The following ADGRB3 variants were observed in gnomAD, a reference collection of about 807,000 sequenced individuals.
ADGRB3 encodes the protein brain-specific angiogenesis inhibitor 3.
A neutral mutation model predicts 193.4 loss-of-function variants in ADGRB3; 37 were observed. That is an observed-to-expected ratio of 0.19 (90% confidence interval 0.15 to 0.25). ADGRB3 has a LOEUF of 0.25. Among genes scored for constraint, ADGRB3 ranks in the 10% least tolerant of loss-of-function variants. ADGRB3 has a pLI of 1.00. For synonymous variants in ADGRB3, 690 were observed against 644.2 expected (o/e 1.07, Z -1.08); for missense variants, 1,637 against 1,852.9 (o/e 0.88, Z 2.14).
At chr6:69,177,045 G>A (rs979687983) in intron 17 of ADGRB3, among the ~76,000 whole-genome samples, 3 of 152,060 alleles carry the variant, frequency 2.0e-5, no homozygotes, top group Non-Finnish European at 1.5e-5. Context: ...CTAGCAATCT[G>A]TCGATCTTGT....
At chr6:68,906,243 G>C (rs1266964424) in intron 3 of ADGRB3, among the ~76,000 whole-genome samples, 2 of 151,418 alleles carry the variant, frequency 1.3e-5, no homozygotes, top group African/African-American at 4.8e-5. Flanking sequence ...GTATATATTG[G>C]TATATAGCAT....
At chr6:68,807,938 T>C (rs1323745805) in intron 3 of ADGRB3, among the ~76,000 whole-genome samples, 2 of 152,122 alleles carry the variant, frequency 1.3e-5, no homozygotes, top group Non-Finnish European at 2.9e-5. Context: ...TAACTTAATT[T>C]TTTTCCCAGG....
At chr6:68,981,924 C>G (rs536347364) in intron 10 of ADGRB3, among the ~76,000 whole-genome samples, 42 of 143,614 alleles carry the variant, frequency 2.9e-4, no homozygotes, top group African/African-American at 9.8e-4. Flanking sequence ...ATTGCCCAGG[C>G]TAGAGTGCAA....
intron 3 of ADGRB3, among the ~76,000 whole-genome samples, chr6:68,665,962 GATAA>G (rs1413757740): frequency 4.6e-5 from 7 of 151,700 alleles, no homozygotes; most frequent in Non-Finnish European, 1.0e-4. Flanking sequence ...AACATCAAAT[GATAA>G]ATAAACATAA....
chr6:68,984,769 A>G (rs1355474063), intron 10 of ADGRB3, among the ~76,000 whole-genome samples: 4 of 152,190 alleles, frequency 2.6e-5, no homozygotes, highest in African/African-American at 9.6e-5. Flanking sequence ...AAAAGTCAAA[A>G]AATTCACTTT....
At chr6:68,879,908 CA>C (rs35332307) in intron 3 of ADGRB3, among the ~76,000 whole-genome samples, 42,871 of 151,960 alleles carry the variant, frequency 0.28, 6,907 homozygotes, top group Middle Eastern at 0.51. Context: ...ACAAATGAAT[CA>C]AAGCAGATAT....
chr6:69,028,027 G>A (rs759507245), intron 13 of ADGRB3, among the ~76,000 whole-genome samples: 21 of 152,130 alleles, frequency 1.4e-4, no homozygotes, highest in Non-Finnish European at 2.9e-4. Flanking sequence ...TGTGGTTTGA[G>A]CCCATTTGAT....
At chr6:68,967,801 G>A (rs1284317909) in intron 8 of ADGRB3, among the ~76,000 whole-genome samples, 1 of 152,150 alleles carries the variant, frequency 6.6e-6, no homozygotes, top group Non-Finnish European at 1.5e-5. Context: ...GAAGGGGTGG[G>A]AGTGTTTGAG....
At chr6:69,021,253 A>G (rs1204526760) in intron 13 of ADGRB3, among the ~76,000 whole-genome samples, 1 of 151,930 alleles carries the variant, frequency 6.6e-6, no homozygotes, top group Non-Finnish European at 1.5e-5. Flanking sequence ...ATCATAATGT[A>G]TTTTAGAGAG....
intron 21 of ADGRB3, among the ~76,000 whole-genome samples, chr6:69,326,245 A>T (rs1217587587): frequency 6.6e-6 from 1 of 152,270 alleles, no homozygotes; most frequent in East Asian, 1.9e-4. Context: ...CCTATCTCAC[A>T]CCAACACAAA....
At chr6:69,143,550 A>T (rs1326805526) in intron 17 of ADGRB3, among the ~76,000 whole-genome samples, 1 of 152,066 alleles carries the variant, frequency 6.6e-6, no homozygotes, top group East Asian at 1.9e-4. Context: ...TTTTGATTTG[A>T]TATTTGTATA....
At chr6:68,854,392 C>T (rs1263152380) in intron 3 of ADGRB3, among the ~76,000 whole-genome samples, 2 of 151,986 alleles carry the variant, frequency 1.3e-5, no homozygotes, top group Middle Eastern at 3.2e-3. Context: ...GATGTATTCT[C>T]GCCACAAAAA....
chr6:69,064,796 AAAGGAAGCTTTTTT>A (rs1771852579), intron 16 of ADGRB3, among the ~76,000 whole-genome samples: 1 of 152,088 alleles, frequency 6.6e-6, no homozygotes, highest in Admixed American at 6.6e-5. Context: ...AGGACATGTT[AAAGGAAGCTTTTTT>A]AATAAATTAA....
chr6:68,704,927 CTATT>C (rs1416645526), intron 3 of ADGRB3, among the ~76,000 whole-genome samples: 3 of 152,078 alleles, frequency 2.0e-5, no homozygotes, highest in Admixed American at 2.0e-4. Context: ...ATATCAGTCT[CTATT>C]TATTATAATT....
intron 20 of ADGRB3, among the ~76,000 whole-genome samples, chr6:69,291,267 T>C (rs955270027): frequency 5.3e-5 from 8 of 152,168 alleles, no homozygotes; most frequent in African/African-American, 1.9e-4. Flanking sequence ...ATCATTATTA[T>C]TAAGCATTAC....
intron 3 of ADGRB3, among the ~76,000 whole-genome samples, chr6:68,888,657 T>G (rs770800349): frequency 5.3e-5 from 8 of 151,912 alleles, no homozygotes; most frequent in African/African-American, 1.2e-4. Context: ...TAATGAGAGA[T>G]AATAAATGCA....
intron 10 of ADGRB3, among the ~76,000 whole-genome samples, chr6:68,980,741 A>G (rs9446081): frequency 0.017 from 2,530 of 151,582 alleles, 81 homozygotes; most frequent in African/African-American, 0.058. Flanking sequence ...TCAAGTATTC[A>G]CCAATTAGGT....
At chr6:69,231,601 T>C (rs1294406402) in intron 17 of ADGRB3, among the ~76,000 whole-genome samples, 1 of 152,188 alleles carries the variant, frequency 6.6e-6, no homozygotes, top group African/African-American at 2.4e-5. Flanking sequence ...TGAAGTAAAT[T>C]GATGTGCTGC....
At chr6:69,036,382 G>C (rs1317284161) in intron 13 of ADGRB3, among the ~76,000 whole-genome samples, 1 of 152,044 alleles carries the variant, frequency 6.6e-6, no homozygotes, top group Non-Finnish European at 1.5e-5. Flanking sequence ...GTTGACTCCA[G>C]GGCACAAATT....
Sources: gnomAD v4.1 joint callset for allele counts (sites outside exome capture counted in the v4.1 genomes callset) on GRCh38, gnomAD v4.1.1 for gene constraint, MANE v1.5 for transcripts, NCBI Gene and HGNC (gene_info 2026-07-23, HGNC 2026-07-21) for gene names.